Variants in THSD7A observed in about 807,000 individuals in gnomAD.
The protein encoded by THSD7A is thrombospondin type-1 domain-containing protein 7A.
Under a neutral mutation model 231.3 loss-of-function variants are expected in THSD7A, and 96 were observed. That is an observed-to-expected ratio of 0.41 (90% CI 0.35 to 0.49). The LOEUF (loss-of-function observed/expected upper bound fraction) is 0.49. THSD7A is among the 20% of genes least tolerant of loss of function. THSD7A has a pLI of 0.05. For missense variants in THSD7A, 2,290 were observed against 2,070.2 expected (o/e 1.11, Z -2.06); for synonymous variants, 940 against 743.3 (o/e 1.26, Z -4.30).
chr7:11,406,691 G>T lies in THSD7A; in HGVS notation c.4063-217C>A, dbSNP rs1783594202. ...CAGGAAAATAAATTTTCATTAAAAT[G>T]AATCAGTCTCCAAATGATTTTAAAA... On this transcript the variant is annotated intron_variant, in intron 21 of 27. Coordinates refer to ENST00000423059, the MANE Select transcript of THSD7A (RefSeq NM_015204.3). The surrounding 1 kb of genome is among the most constrained non-coding windows in gnomAD (Gnocchi z 4.7). Among the ~76,000 whole-genome samples the T allele has an allele frequency of 6.6e-6, 1 of 152,088 alleles. No individual in the cohort carries two copies. Among genetic ancestry groups the T allele is most frequent in the African/African-American group, 2.4e-5 (1 of 41,430 alleles).
At chr7:11,497,465 G>C (rs1232859457) in intron 6 of THSD7A, among the ~76,000 whole-genome samples, 2 of 152,052 alleles carry the variant, frequency 1.3e-5, no homozygotes, top group African/African-American at 4.8e-5. Flanking sequence ...GGGACATTAG[G>C]AATAAGGTAA....
rs1294134650 is a variant in THSD7A, at chr7:11,444,043, GA to G, written c.3064+2017del. Reference sequence around the variant, plus strand: ...ACATTTATGTGGCTAACAAACATATGAAAAAAAGCTCATCATCACTGGTCAT... The same window carrying G: ...ACATTTATGTGGCTAACAAACATATGAAAAAAGCTCATCATCACTGGTCAT... On this transcript the variant is annotated intron_variant, in intron 13 of 27. Transcript: ENST00000423059. The surrounding 1 kb of genome is among the most constrained non-coding windows in gnomAD (Gnocchi z 4.2). Among the ~76,000 whole-genome samples the G allele has an allele frequency of 6.6e-6, 1 of 151,942 alleles. No homozygotes were observed. The highest frequency in any genetic ancestry group is 2.4e-5 in the African/African-American group (1 of 41,380).
Position 11,372,887 on chromosome 7 carries a change from G to A in THSD7A, c.*2907C>T, listed in dbSNP as rs931239942. Reference sequence around the variant, plus strand: ...AAGGCCATTTTCATGTTATAAACATGAATATAATAACCTTCCCTTTGTCCA... The same window carrying A: ...AAGGCCATTTTCATGTTATAAACATAAATATAATAACCTTCCCTTTGTCCA... On this transcript the variant is annotated 3_prime_UTR_variant, in exon 28 of 28. Coordinates refer to ENST00000423059, the MANE Select transcript of THSD7A (RefSeq NM_015204.3). The A allele has an allele frequency of 1.3e-5, 2 of 151,918 alleles. No homozygotes were observed. Among genetic ancestry groups the A allele is most frequent in the Non-Finnish European group, 2.9e-5 (2 of 67,948 alleles). The allele number at this position is 151,918 out of a possible 1,614,324, so 9.4% of individuals were successfully genotyped here.
intron 2 of THSD7A, among the ~76,000 whole-genome samples, chr7:11,598,895 C>G (rs1486515137): frequency 6.6e-6 from 1 of 152,162 alleles, no homozygotes; most frequent in Non-Finnish European, 1.5e-5. Flanking sequence ...TTCCATTAAA[C>G]TGGAAGTTAA....
rs1293455722 is a variant in THSD7A, at chr7:11,637,491, G to C, written c.191-530C>G. On this transcript the variant is annotated intron_variant, in intron 1 of 27. Coordinates refer to ENST00000423059, the MANE Select transcript of THSD7A (RefSeq NM_015204.3). This position sits in a 1 kb window ranked among gnomAD's most constrained non-coding sequence, Gnocchi z 4.2. Reference sequence around the variant, plus strand: ...AGGGTCTAATAGTTGTATATCATGTGTGCCACTAGAGCTTAAAGTGTTCAC... The same window carrying C: ...AGGGTCTAATAGTTGTATATCATGTCTGCCACTAGAGCTTAAAGTGTTCAC... 2.6e-5 allele frequency among the ~76,000 whole-genome samples: 4 copies of C among 152,128 alleles called. No homozygotes were observed. The highest frequency in any genetic ancestry group is 4.4e-5 in the Non-Finnish European group (3 of 68,034).
chr7:11,800,408 G>A (rs1170620036), intron 1 of THSD7A, among the ~76,000 whole-genome samples: 1 of 152,080 alleles, frequency 6.6e-6, no homozygotes, highest in East Asian at 1.9e-4. Flanking sequence ...AATTAGCCGG[G>A]TGTGGTGATG....
chr7:11,787,813 G>A (rs976011418), intron 1 of THSD7A, among the ~76,000 whole-genome samples: 4 of 151,936 alleles, frequency 2.6e-5, no homozygotes, highest in African/African-American at 9.7e-5. Context: ...AATGCAATAC[G>A]GTACAGGCAC....
intron 6 of THSD7A, among the ~76,000 whole-genome samples, chr7:11,483,567 T>G (rs1337450371): frequency 6.6e-6 from 1 of 152,194 alleles, no homozygotes; most frequent in Admixed American, 6.5e-5. Flanking sequence ...AGTAGATATA[T>G]AGGTACATAG....
chr7:11,393,852 A>T lies in THSD7A; in HGVS notation c.4411+7943T>A, dbSNP rs574030363. ...AAAGGAACAAACAAAGCCTCCAAGA[A>T]ATATGGGACTATGTGAAAAGACTAA... On this transcript the variant is annotated intron_variant, in intron 23 of 27. Transcript: ENST00000423059. Among the ~76,000 whole-genome samples the T allele has an allele frequency of 2.6e-5, 4 of 152,314 alleles. No homozygotes were observed. In the South Asian group the frequency reaches 8.3e-4, roughly 32 times the overall value.
chr7:11,769,551 G>A (rs1306588313), intron 1 of THSD7A, among the ~76,000 whole-genome samples: 1 of 151,706 alleles, frequency 6.6e-6, no homozygotes, highest in Non-Finnish European at 1.5e-5. Flanking sequence ...GGTCCTTAGG[G>A]AAACACTTTT....
At chr7:11,670,107 C>G (rs1783318306) in intron 1 of THSD7A, among the ~76,000 whole-genome samples, 2 of 152,072 alleles carry the variant, frequency 1.3e-5, no homozygotes, top group East Asian at 3.9e-4. Context: ...GGACCCTAAA[C>G]AAAGCAAACA....
chr7:11,582,947 G>A (rs1791231587), intron 4 of THSD7A, among the ~76,000 whole-genome samples: 1 of 151,580 alleles, frequency 6.6e-6, no homozygotes, highest in Non-Finnish European at 1.5e-5. Context: ...ACCACTTCTG[G>A]AGCATTTTCT....
intron 1 of THSD7A, among the ~76,000 whole-genome samples, chr7:11,773,865 G>GA (rs1348577371): frequency 5.3e-5 from 8 of 151,872 alleles, no homozygotes; most frequent in African/African-American, 7.3e-5. Flanking sequence ...TTAACAATAA[G>GA]AAAAAACAAT....
chr7:11,591,240 A>G (rs1305602561), intron 3 of THSD7A, among the ~76,000 whole-genome samples: 1 of 149,288 alleles, frequency 6.7e-6, no homozygotes. Flanking sequence ...TCATCAGTGG[A>G]GCACAGGAAA....
chr7:11,594,515 TATGCAAAATAA>T (rs909229518), intron 2 of THSD7A, among the ~76,000 whole-genome samples: 1 of 152,140 alleles, frequency 6.6e-6, no homozygotes, highest in African/African-American at 2.4e-5. Flanking sequence ...TTTAGGGAGT[TATGCAAAATAA>T]ATGCATTTGA....
chr7:11,732,927 T>TTGAAC (rs1781785037), intron 1 of THSD7A, among the ~76,000 whole-genome samples: 1 of 151,986 alleles, frequency 6.6e-6, no homozygotes, highest in African/African-American at 2.4e-5. Context: ...CTTATTAGCA[T>TTGAAC]TGAACTGCCA....
intron 4 of THSD7A, among the ~76,000 whole-genome samples, chr7:11,557,968 T>G (rs193302254): frequency 6.6e-6 from 1 of 152,276 alleles, no homozygotes; most frequent in African/African-American, 2.4e-5. Context: ...TTGTGTGTTT[T>G]TGGCTGGGTA....
chr7:11,731,116 T>G (rs1194053566), intron 1 of THSD7A, among the ~76,000 whole-genome samples: 1 of 151,662 alleles, frequency 6.6e-6, no homozygotes, highest in Non-Finnish European at 1.5e-5. Context: ...CTTATTTCCT[T>G]TCCTTAAATC....
At chr7:11,676,773 A>C (rs577574598) in intron 1 of THSD7A, among the ~76,000 whole-genome samples, 15 of 152,288 alleles carry the variant, frequency 9.8e-5, no homozygotes, top group African/African-American at 2.2e-4. Context: ...ACTATGTGAA[A>C]AGACCAAACC....
Sources: gnomAD v4.1 joint callset for allele counts (sites outside exome capture counted in the v4.1 genomes callset) on GRCh38, gnomAD v4.1.1 for gene constraint, Gnocchi (gnomAD v3.1) non-coding constraint, MANE v1.5 for transcripts, NCBI Gene and HGNC (gene_info 2026-07-23, HGNC 2026-07-21) for gene names.